The following ARID4B variants were observed in gnomAD, a reference collection of about 807,000 sequenced individuals.
ARID4B encodes the protein AT-rich interaction domain 4B, also known as AT-rich interactive domain-containing protein 4B.
Under a neutral mutation model 147.5 loss-of-function variants are expected in ARID4B, and 26 were observed. The ratio of observed to expected loss-of-function variants is 0.18; its 90% CI spans 0.13 to 0.24. ARID4B has a LOEUF of 0.24. Among genes scored for constraint, ARID4B ranks in the 10% least tolerant of loss-of-function variants. The pLI is 1.00. For synonymous variants in ARID4B, 512 were observed against 507.9 expected (o/e 1.01, Z -0.11); for missense variants, 1,179 against 1,511.5 (o/e 0.78, Z 3.65).
rs34808765 is a variant in ARID4B at position 235,176,437 on chromosome 1, C to CAAAAAAAAAAAAA, written c.3449-1051_3449-1039dup. On this transcript the variant is annotated intron_variant, in intron 21 of 23. Transcript: ENST00000264183. ...CTGATTTTTCACTTAACAACATCACCAAAAAAAAAAAAAAAAAAAAAAAAA... is the reference window on the plus strand; with the variant it reads ...CTGATTTTTCACTTAACAACATCACCAAAAAAAAAAAAAAAAAAAAAAAAAAAAAAAAAAAAAA... Among the ~76,000 whole-genome samples the CAAAAAAAAAAAAA allele has an allele frequency of 1.2e-3, 26 of 22,532 alleles. 3 individuals carry two copies. The highest frequency in any genetic ancestry group is 2.4e-3 in the African/African-American group (24 of 10,072). 14.8% of individuals were successfully genotyped at this position (22,532 alleles called of 152,430 possible). A position where few individuals can be genotyped will look rare whatever the true frequency, so the allele number is the denominator to read the frequency against.
chr1:235,246,541 A>T, intron 6 of ARID4B, 30 bp from the exon 7 acceptor site: 1 of 1,516,304 alleles, frequency 6.6e-7, no homozygotes, highest in South Asian at 1.1e-5. Context: ...CCCATCAAAA[A>T]ATTAACACTT....
chr1:235,268,677 C>T (rs1262755426), intron 2 of ARID4B, among the ~76,000 whole-genome samples: 1 of 152,064 alleles, frequency 6.6e-6, no homozygotes, highest in Non-Finnish European at 1.5e-5. Flanking sequence ...TACAGGCGCT[C>T]GCCACCATGT....
In ARID4B at chr1:235,326,765, C is replaced by T; in HGVS notation, c.6+149G>A. 4.2e-6 allele frequency: 4 copies of T among 950,696 alleles called. No individual in the cohort carries two copies. In the South Asian group the frequency reaches 5.6e-5, roughly 13 times the overall value. The allele number at this position is 950,696 out of a possible 1,614,324, so 58.9% of individuals were successfully genotyped here. On this transcript the variant is annotated intron_variant, in intron 2 of 23. Coordinates refer to ENST00000264183, the MANE Select transcript of ARID4B (RefSeq NM_016374.6). ...CCACAGCAAAGCCCGCCAGCTGACCCCGGTCTCTCTGGGGAAGGGCTCGGT... is the reference window on the plus strand; with the variant it reads ...CCACAGCAAAGCCCGCCAGCTGACCTCGGTCTCTCTGGGGAAGGGCTCGGT...
intron 2 of ARID4B, among the ~76,000 whole-genome samples, chr1:235,274,425 CT>C (rs1671189172): frequency 6.6e-6 from 1 of 151,942 alleles, no homozygotes; most frequent in Admixed American, 6.6e-5. Flanking sequence ...ACCACAATTA[CT>C]TTTGCACCAA....
At chr1:235,309,465 GGTAAGGGGCGCCTCTGCCCGGCCGCCC>G (rs1673873512) in intron 2 of ARID4B, among the ~76,000 whole-genome samples, 10 of 148,934 alleles carry the variant, frequency 6.7e-5, no homozygotes, top group Admixed American at 3.3e-4. Context: ...CCATCCGGGA[GGTAAGGGGCGCCTCTGCCCGGCCGCCC>G]CTACTGGAAA....
chr1:235,255,291 A>ATATC (rs1190841835), intron 5 of ARID4B, among the ~76,000 whole-genome samples: 2 of 148,178 alleles, frequency 1.3e-5, no homozygotes, highest in Admixed American at 6.7e-5. Flanking sequence ...CTCTCTCTAT[A>ATATC]TATATATATA....
At chr1:235,300,219 C>T (rs1673020745) in intron 2 of ARID4B, among the ~76,000 whole-genome samples, 1 of 152,138 alleles carries the variant, frequency 6.6e-6, no homozygotes, top group Admixed American at 6.5e-5. Context: ...AGTCCGAGAA[C>T]ACCCTGGCCA....
chr1:235,315,143 G>T (rs1375594823), intron 2 of ARID4B, among the ~76,000 whole-genome samples: 1 of 152,176 alleles, frequency 6.6e-6, no homozygotes, highest in Non-Finnish European at 1.5e-5. Flanking sequence ...CATTGTCCAG[G>T]CCAGGCTTGG....
chr1:235,300,457 A>G (rs980728044), intron 2 of ARID4B, among the ~76,000 whole-genome samples: 2 of 151,718 alleles, frequency 1.3e-5, no homozygotes, highest in Non-Finnish European at 2.9e-5. Flanking sequence ...GGAGGTCAAA[A>G]TTGAGTTCAA....
chr1:235,241,421 T>C (rs186912258), intron 7 of ARID4B, among the ~76,000 whole-genome samples: 2 of 152,352 alleles, frequency 1.3e-5, no homozygotes, highest in African/African-American at 2.4e-5. Context: ...CTATCTAGTA[T>C]ACTCTGAAGT....
At chr1:235,186,960 T>C (rs1485851557) in intron 19 of ARID4B, 3 of 267,682 alleles carry the variant, frequency 1.1e-5, no homozygotes, top group Non-Finnish European at 2.2e-5. Flanking sequence ...CCTCCCAAAG[T>C]GCTGGGATTA....
chr1:235,325,418 T>C (rs1675157901), intron 2 of ARID4B, among the ~76,000 whole-genome samples: 1 of 152,030 alleles, frequency 6.6e-6, no homozygotes, highest in South Asian at 2.1e-4. Flanking sequence ...TCTCAGACTT[T>C]CAACTTAACT....
At chr1:235,270,645 A>G (rs577265250) in intron 2 of ARID4B, among the ~76,000 whole-genome samples, 3 of 152,326 alleles carry the variant, frequency 2.0e-5, no homozygotes, top group East Asian at 3.9e-4. Flanking sequence ...AAATTGGGAG[A>G]GACATTATTA....
At chr1:235,291,083 G>C (rs2103210584) in intron 2 of ARID4B, among the ~76,000 whole-genome samples, 2 of 152,220 alleles carry the variant, frequency 1.3e-5, no homozygotes, top group East Asian at 3.9e-4. Flanking sequence ...CTGTGTGACA[G>C]AGTAACAATT....
At chr1:235,286,366 T>C (rs918748274) in intron 2 of ARID4B, among the ~76,000 whole-genome samples, 7 of 152,218 alleles carry the variant, frequency 4.6e-5, no homozygotes, top group Non-Finnish European at 1.0e-4. Context: ...GCCTATAATG[T>C]ATCAGGTGCT....
intron 10 of ARID4B, among the ~76,000 whole-genome samples, chr1:235,230,696 T>C (rs1250962590): frequency 4.1e-5 from 6 of 146,192 alleles, no homozygotes; most frequent in Non-Finnish European, 8.9e-5. Context: ...CTGAGGCAGG[T>C]GGACTGCCTG....
At chr1:235,277,443 G>A (rs1252501310) in intron 2 of ARID4B, among the ~76,000 whole-genome samples, 3 of 151,686 alleles carry the variant, frequency 2.0e-5, no homozygotes, top group African/African-American at 4.8e-5. Context: ...GGAGGCTGAG[G>A]CAGGAGAATG....
chr1:235,242,845 G>A (rs1669075820), intron 7 of ARID4B, among the ~76,000 whole-genome samples: 6 of 152,116 alleles, frequency 3.9e-5, no homozygotes, highest in Admixed American at 3.9e-4. Flanking sequence ...TAGACTAGAT[G>A]CCCCTTCCCC....
chr1:235,208,150 T>A (rs185043873), intron 17 of ARID4B, among the ~76,000 whole-genome samples: 3 of 152,210 alleles, frequency 2.0e-5, no homozygotes, highest in Non-Finnish European at 4.4e-5. Context: ...TTACAAAATA[T>A]TGATGTATTT....
Sources: gnomAD v4.1 joint callset for allele counts (sites outside exome capture counted in the v4.1 genomes callset) on GRCh38, gnomAD v4.1.1 for gene constraint, MANE v1.5 for transcripts, NCBI Gene and HGNC (gene_info 2026-07-23, HGNC 2026-07-21) for gene names.